PLEKHA8: variants seen among roughly 807,000 people sequenced by gnomAD.
PLEKHA8 encodes pleckstrin homology domain-containing family A member 8.
Under a neutral mutation model 68.2 loss-of-function variants are expected in PLEKHA8, and 36 were observed. That is an observed-to-expected ratio of 0.53 (90% CI 0.40 to 0.70). PLEKHA8 has a LOEUF of 0.70. PLEKHA8 is among the 30% of genes least tolerant of loss of function. The pLI is 0.00. For missense variants in PLEKHA8, 505 were observed against 615.4 expected (o/e 0.82, Z 1.90); for synonymous variants, 211 against 216.1 (o/e 0.98, Z 0.20).
chr7:30,057,196 G>T (rs1230559583), intron 9 of PLEKHA8, among the ~76,000 whole-genome samples: 6 of 151,852 alleles, frequency 4.0e-5, no homozygotes, highest in African/African-American at 1.5e-4. Flanking sequence ...TGTTCCCTGT[G>T]TCACTCAGCC....
At chr7:30,095,352 A>G (rs1795571241), downstream of PLEKHA8, among the ~76,000 whole-genome samples, 1 of 152,014 alleles carries the variant, frequency 6.6e-6, no homozygotes, top group Admixed American at 6.6e-5. Flanking sequence ...CATATCCTTC[A>G]CCCACTTTTT....
At chr7:30,035,444 C>A (rs532208175) in intron 1 of PLEKHA8, among the ~76,000 whole-genome samples, 1 of 152,002 alleles carries the variant, frequency 6.6e-6, no homozygotes, top group Non-Finnish European at 1.5e-5. Flanking sequence ...TTAATGATGC[C>A]CAGAAAATTT....
At chr7:30,039,001 C>T (rs972312955) in intron 1 of PLEKHA8, among the ~76,000 whole-genome samples, 1 of 138,392 alleles carries the variant, frequency 7.2e-6, no homozygotes, top group African/African-American at 2.9e-5. Context: ...GAAAATTATG[C>T]TCATTGAAAA....
At chr7:30,090,724 A>G (rs1795382228) in exon 13 of PLEKHA8, 4 of 690,658 alleles carry the variant, frequency 5.8e-6, no homozygotes, top group Non-Finnish European at 7.1e-6. Flanking sequence ...TCTTTTAAAT[A>G]AACAGATTTC....
intron 13 of PLEKHA8, among the ~76,000 whole-genome samples, chr7:30,114,573 G>A (rs940837808): frequency 6.6e-6 from 1 of 151,962 alleles, no homozygotes; most frequent in African/African-American, 2.4e-5. Flanking sequence ...CTTTCCAATT[G>A]TCATTCTATT....
intron 13 of PLEKHA8, among the ~76,000 whole-genome samples, chr7:30,096,253 T>C (rs1795615200): frequency 6.6e-6 from 1 of 152,194 alleles, no homozygotes; most frequent in Non-Finnish European, 1.5e-5. Context: ...CCCTTGTAAG[T>C]TGGATTCCTA....
downstream of PLEKHA8, among the ~76,000 whole-genome samples, chr7:30,087,932 T>TA (rs1795244570): frequency 6.6e-6 from 1 of 152,198 alleles, no homozygotes; most frequent in Non-Finnish European, 1.5e-5. Flanking sequence ...AGGTTCTGGT[T>TA]ATTGGTGTAG....
intron 13 of PLEKHA8, among the ~76,000 whole-genome samples, chr7:30,126,158 A>G (rs1482650654): frequency 8.1e-6 from 1 of 123,084 alleles, no homozygotes; most frequent in African/African-American, 3.1e-5. Flanking sequence ...TCTTCAGCCA[A>G]GGACAGTTTC....
chr7:30,061,781 G>T, intron 10 of PLEKHA8, 116 bp from the exon 11 acceptor site: 2 of 1,116,076 alleles, frequency 1.8e-6, no homozygotes, highest in South Asian at 1.6e-5. Flanking sequence ...GGTAATAGGA[G>T]CTTAATTTAT....
At position 30,028,768 on chromosome 7, in the gene PLEKHA8, G is replaced by T; in HGVS notation, c.6G>T (p.Glu2Asp). The change falls in exon 1 of 14, where the codon GAG becomes GAT. Residue 2 changes from glutamate (E) to aspartate (D), a missense_variant. Coordinates refer to ENST00000449726, the MANE Select transcript of PLEKHA8 (RefSeq NM_001197026.2). ...GCCGAGTGGCCGCGGGCGCCATGGA[G>T]GGGGTGCTGTACAAGTGGACCAACT... M[E>D]GVLYKWTNYL... 7.9e-7 allele frequency: 1 copy of T among 1,270,772 alleles called. No individual in the cohort carries two copies. Among genetic ancestry groups the T allele is most frequent in the Non-Finnish European group, 1.0e-6 (1 of 1,002,322 alleles). The allele number at this position is 1,270,772 out of a possible 1,614,324, so 78.7% of individuals were successfully genotyped here.
At chr7:30,111,870 A>G (rs1418827929) in intron 13 of PLEKHA8, among the ~76,000 whole-genome samples, 2 of 152,204 alleles carry the variant, frequency 1.3e-5, no homozygotes, top group African/African-American at 4.8e-5. Context: ...TATTTTTTAA[A>G]TCCATGAGTT....
chr7:30,078,517 A>G, intron 13 of PLEKHA8, 73 bp from the exon 14 acceptor site: 1 of 1,480,256 alleles, frequency 6.8e-7, no homozygotes, highest in East Asian at 2.3e-5. Flanking sequence ...GTGTGTGTGC[A>G]TGTGCACATG....
intron 13 of PLEKHA8, among the ~76,000 whole-genome samples, chr7:30,106,711 A>C (rs970724075): frequency 6.6e-6 from 1 of 152,222 alleles, no homozygotes; most frequent in Non-Finnish European, 1.5e-5. Flanking sequence ...GAATGTGGGC[A>C]AAAAAATTTC....
chr7:30,106,519 T>G (rs772690280), intron 13 of PLEKHA8, among the ~76,000 whole-genome samples: 9 of 152,238 alleles, frequency 5.9e-5, no homozygotes, highest in Non-Finnish European at 1.2e-4. Flanking sequence ...ATAAATGATT[T>G]TAACTCTAGG....
intron 6 of PLEKHA8, 193 bp downstream of exon 6, chr7:30,050,667 T>A: frequency 3.2e-6 from 2 of 626,870 alleles, no homozygotes; most frequent in Non-Finnish European, 4.8e-6. Context: ...TACTTAGCAC[T>A]AATAGGGAAG....
downstream of PLEKHA8, among the ~76,000 whole-genome samples, chr7:30,088,947 T>C (rs908862082): frequency 6.6e-6 from 1 of 152,012 alleles, no homozygotes; most frequent in African/African-American, 2.4e-5. Flanking sequence ...GGATGGAGTT[T>C]GCTGGGGAGA....
intron 12 of PLEKHA8, among the ~76,000 whole-genome samples, chr7:30,073,563 T>TA (rs35738941): frequency 0.059 from 6,614 of 111,730 alleles, 274 homozygotes; most frequent in East Asian, 0.088. Flanking sequence ...TTGTGTTTCT[T>TA]AAAAAAAAAA....
chr7:30,036,415 G>C (rs1583770367), intron 1 of PLEKHA8, among the ~76,000 whole-genome samples: 1 of 50,162 alleles, frequency 2.0e-5, no homozygotes, highest in African/African-American at 6.4e-5. Context: ...AGAATAGATA[G>C]ATAGATAGAT....
downstream of PLEKHA8, among the ~76,000 whole-genome samples, chr7:30,085,885 G>A (rs1795162292): frequency 6.6e-6 from 1 of 152,188 alleles, no homozygotes; most frequent in Admixed American, 6.5e-5. Flanking sequence ...ACACTGAGAA[G>A]CACTGATGCA....
Sources: gnomAD v4.1 joint callset for allele counts (sites outside exome capture counted in the v4.1 genomes callset) on GRCh38, gnomAD v4.1.1 for gene constraint, MANE v1.5 for transcripts, NCBI Gene and HGNC (gene_info 2026-07-23, HGNC 2026-07-21) for gene names.